ITGA9: variants seen among roughly 807,000 people sequenced by gnomAD.
The protein encoded by ITGA9 is integrin subunit alpha 9.
Under a neutral mutation model 127.8 loss-of-function variants are expected in ITGA9, and 56 were observed. That is an observed-to-expected ratio of 0.44 (90% CI 0.35 to 0.55). The LOEUF is 0.55. Ranked by LOEUF, ITGA9 falls within the 20% of genes least tolerant of loss-of-function variation. ITGA9 has a pLI of 0.00. For missense variants in ITGA9, 1,196 were observed against 1,347.1 expected, an observed-to-expected ratio of 0.89 and a Z score of 1.76; for synonymous variants, 508 against 514.5, an observed-to-expected ratio of 0.99 and a Z score of 0.17.
chr3:37,651,912 A>G (rs1200867540), intron 16 of ITGA9, among the ~76,000 whole-genome samples: 2 of 152,114 alleles, frequency 1.3e-5, no homozygotes, highest in South Asian at 2.1e-4. Flanking sequence ...ATGTCACCAG[A>G]TGGATTTAGG....
chr3:37,795,648 G>T (rs1044041318), intron 26 of ITGA9, among the ~76,000 whole-genome samples: 3 of 151,952 alleles, frequency 2.0e-5, no homozygotes, highest in Admixed American at 2.0e-4. Flanking sequence ...CTCCAGCCAG[G>T]GTCCGCACCA....
At chr3:37,660,736 C>G (rs1178457103) in intron 17 of ITGA9, among the ~76,000 whole-genome samples, 2 of 152,190 alleles carry the variant, frequency 1.3e-5, no homozygotes, top group African/African-American at 4.8e-5. Context: ...ATCACTGATT[C>G]CCATGGATTT....
chr3:37,756,476 A>T (rs1420547346), intron 23 of ITGA9, among the ~76,000 whole-genome samples: 5 of 152,186 alleles, frequency 3.3e-5, no homozygotes, highest in Admixed American at 3.3e-4. Flanking sequence ...ATGCAACTAG[A>T]GTTGCGATCA....
chr3:37,619,692 G>T (rs1700109501), intron 15 of ITGA9, among the ~76,000 whole-genome samples: 1 of 152,176 alleles, frequency 6.6e-6, no homozygotes, highest in Admixed American at 6.5e-5. Context: ...AGCATGGCCT[G>T]CTTAGCGTTT....
At chr3:37,534,569 C>G (rs1699190025) in intron 14 of ITGA9, among the ~76,000 whole-genome samples, 1 of 152,236 alleles carries the variant, frequency 6.6e-6, no homozygotes. Context: ...AATGTTCTAC[C>G]TTATTTAATA....
chr3:37,774,213 A>G (rs181159092), intron 23 of ITGA9, among the ~76,000 whole-genome samples: 7 of 152,342 alleles, frequency 4.6e-5, no homozygotes, highest in Admixed American at 4.6e-4. Context: ...ATTGCTTTCT[A>G]AAATGGGCTT....
chr3:37,808,544 A>AT (rs1331150931), intron 27 of ITGA9: 1 of 152,210 alleles, frequency 6.6e-6, no homozygotes, highest in Non-Finnish European at 1.5e-5. Flanking sequence ...CTGTTGTATC[A>AT]TACCAGCTAG....
In ITGA9 at chr3:37,553,013, T is replaced by TAAAA. The variant is rs10662748; in HGVS notation, c.1689+10442_1689+10445dup. Among the ~76,000 whole-genome samples, 144 of 137,168 alleles carry TAAAA rather than the reference T, an allele frequency of 1.0e-3. 2 individuals carry two copies. The highest frequency in any genetic ancestry group is 3.5e-3 in the African/African-American group (126 of 36,470). 90.0% of individuals were successfully genotyped at this position (137,168 alleles called of 152,430 possible). A position where few individuals can be genotyped will look rare whatever the true frequency, so the allele number is the denominator to read the frequency against. On this transcript the variant is annotated intron_variant, in intron 15 of 27. Transcript: ENST00000264741. ...CTAGGAGACCGAGCAAGACTCCATC[T>TAAAA]AAAAAAAAAAAAAAAAATCTTTATT...
intron 18 of ITGA9, among the ~76,000 whole-genome samples, chr3:37,690,242 G>A (rs938119137): frequency 6.6e-6 from 1 of 152,166 alleles, no homozygotes; most frequent in Non-Finnish European, 1.5e-5. Flanking sequence ...GTAGAAGAGA[G>A]CAAAGGAGGA....
intron 18 of ITGA9, among the ~76,000 whole-genome samples, chr3:37,723,081 T>A (rs1449174122): frequency 6.6e-6 from 1 of 152,236 alleles, no homozygotes; most frequent in Admixed American, 6.5e-5. Context: ...ATGTTGAGCA[T>A]CTTTTCATGT....
intron 16 of ITGA9, among the ~76,000 whole-genome samples, chr3:37,633,975 G>A (rs76231171): frequency 0.086 from 13,150 of 152,216 alleles, 718 homozygotes; most frequent in East Asian, 0.15. Flanking sequence ...GTTGGAGACC[G>A]TCTCTATGTC....
chr3:37,498,639 G>A (rs781737816), intron 5 of ITGA9, among the ~76,000 whole-genome samples: 1 of 152,220 alleles, frequency 6.6e-6, no homozygotes, highest in African/African-American at 2.4e-5. Flanking sequence ...TCATGGTACA[G>A]CAAAGTGGGG....
chr3:37,717,061 C>T lies in ITGA9; in HGVS notation c.2068-15651C>T, dbSNP rs114770167. Among the ~76,000 whole-genome samples, 92 of 152,304 alleles carry T rather than the reference C, an allele frequency of 6.0e-4. 1 individual carries two copies. The highest frequency in any genetic ancestry group is 1.9e-3 in the African/African-American group (79 of 41,560). Reference sequence around the variant, plus strand: ...CAGCCTGTGTGCTCCTTCCTGTCCTCGTGGGCATTTCCTAAAGCTTCAGCC... The same window carrying T: ...CAGCCTGTGTGCTCCTTCCTGTCCTTGTGGGCATTTCCTAAAGCTTCAGCC... On this transcript the variant is annotated intron_variant, in intron 18 of 27. Transcript: ENST00000264741.
chr3:37,811,362 G>A (rs1313468220), intron 27 of ITGA9, among the ~76,000 whole-genome samples: 1 of 152,220 alleles, frequency 6.6e-6, no homozygotes, highest in South Asian at 2.1e-4. Flanking sequence ...GGAGGAGAAA[G>A]TTAAATTGCT....
At chr3:37,779,459 C>T (rs1407303803) in intron 24 of ITGA9, among the ~76,000 whole-genome samples, 1 of 152,142 alleles carries the variant, frequency 6.6e-6, no homozygotes, top group African/African-American at 2.4e-5. Context: ...TGTCACATGA[C>T]TTCTTAGCCC....
At chr3:37,812,418 A>T (rs1456910444) in intron 27 of ITGA9, among the ~76,000 whole-genome samples, 1 of 152,216 alleles carries the variant, frequency 6.6e-6, no homozygotes, top group Non-Finnish European at 1.5e-5. Flanking sequence ...GGTGTTGTCC[A>T]GCTGGTCCCT....
chr3:37,676,268 G>T (rs1296138657), intron 17 of ITGA9, among the ~76,000 whole-genome samples: 3 of 152,146 alleles, frequency 2.0e-5, no homozygotes, highest in Admixed American at 1.3e-4. Flanking sequence ...TTACATCTTT[G>T]AGTATCTGCT....
intron 15 of ITGA9, among the ~76,000 whole-genome samples, chr3:37,564,984 G>A (rs998924625): frequency 6.6e-6 from 1 of 152,236 alleles, no homozygotes; most frequent in African/African-American, 2.4e-5. Context: ...GGCTTCTGAA[G>A]TCCTGTATAG....
rs535177501 is a variant in ITGA9 at position 37,628,350 on chromosome 3, G to A, written c.1690-837G>A. ...GTCTAACTCTAACTTGTGAGATTGT[G>A]GGGGCCAGAGTCCCCAGGAGGCAGT... On this transcript the variant is annotated intron_variant, in intron 15 of 27. Coordinates refer to ENST00000264741, the MANE Select transcript of ITGA9 (RefSeq NM_002207.3). Among the ~76,000 whole-genome samples the A allele has an allele frequency of 1.4e-4, 21 of 152,276 alleles. No homozygotes were observed. In the South Asian group the frequency reaches 3.7e-3, roughly 27 times the overall value.
Sources: allele counts gnomAD v4.1 joint callset (sites outside exome capture counted in the v4.1 genomes callset), GRCh38; gene constraint gnomAD v4.1.1; transcripts MANE v1.5; gene names NCBI Gene and HGNC (gene_info 2026-07-23, HGNC 2026-07-21).